The following GALNT10 variants were observed in gnomAD, a reference collection of about 807,000 sequenced individuals.
The protein encoded by GALNT10 is polypeptide N-acetylgalactosaminyltransferase 10, also known as GalNAc transferase 10.
In GALNT10, 41 loss-of-function variants were observed where a neutral mutation model predicts 75.0. That is an observed-to-expected ratio of 0.55 (90% CI 0.43 to 0.71). The LOEUF is 0.71. GALNT10 is among the 30% of genes least tolerant of loss of function. GALNT10 has a pLI of 0.00. For missense variants in GALNT10, 727 were observed against 818.5 expected (o/e 0.89, Z 1.36); for synonymous variants, 302 against 313.0 (o/e 0.96, Z 0.37).
chr5:154,376,519 G>A lies in GALNT10; in HGVS notation c.754+57G>A. 2.3e-6 allele frequency: 3 copies of A among 1,286,100 alleles called. No homozygotes were observed. Among genetic ancestry groups the A allele is most frequent in the Non-Finnish European group, 3.2e-6 (3 of 930,940 alleles). 79.7% of individuals were successfully genotyped at this position (1,286,100 alleles called of 1,614,324 possible). On this transcript the variant is annotated intron_variant, in intron 5 of 11. Transcript: ENST00000297107. The surrounding 1 kb of genome is among the most constrained non-coding windows in gnomAD (Gnocchi z 4.1). ...AAACTGCAATGAGCCAGTGCCAGTGGCCCCCTCCTGCTGCAGGGAGCCATC... is the reference window on the plus strand; with the variant it reads ...AAACTGCAATGAGCCAGTGCCAGTGACCCCCTCCTGCTGCAGGGAGCCATC...
At chr5:154,245,497 C>G (rs1416832542) in intron 1 of GALNT10, among the ~76,000 whole-genome samples, 2 of 151,480 alleles carry the variant, frequency 1.3e-5, no homozygotes, top group African/African-American at 2.4e-5. Context: ...GTCCTCAGGT[C>G]ACAGTGAATG....
rs146429473 is a variant in GALNT10 at position 154,217,411 on chromosome 5, G to A, written c.159+26386G>A. ...CTGCCTTACAGGGTTTGTTGTGAGG[G>A]GCAAGGGAGACAGTGAGAGGGTGGT... is the stretch of plus-strand genomic sequence containing the variant. On this transcript the variant is annotated intron_variant, in intron 1 of 11. Coordinates refer to ENST00000297107, the MANE Select transcript of GALNT10 (RefSeq NM_198321.4). 1.4e-3 allele frequency among the ~76,000 whole-genome samples: 219 copies of A among 152,222 alleles called. 1 individual carries two copies. Among genetic ancestry groups the A allele is most frequent in the African/African-American group, 5.2e-3 (217 of 41,542 alleles).
At chr5:154,325,676 G>A (rs1489619478) in intron 3 of GALNT10, among the ~76,000 whole-genome samples, 4 of 149,022 alleles carry the variant, frequency 2.7e-5, no homozygotes, top group African/African-American at 4.9e-5. Flanking sequence ...CTTCTTTTTC[G>A]AGGATTAAAA....
At chr5:154,216,935 C>T (rs1305749964) in intron 1 of GALNT10, among the ~76,000 whole-genome samples, 1 of 152,114 alleles carries the variant, frequency 6.6e-6, no homozygotes, top group Non-Finnish European at 1.5e-5. Context: ...AAAATCTCCT[C>T]TCCTATCCTC....
chr5:154,218,804 C>T (rs1752922780), intron 1 of GALNT10, among the ~76,000 whole-genome samples: 2 of 152,124 alleles, frequency 1.3e-5, no homozygotes, highest in African/African-American at 2.4e-5. Flanking sequence ...GTAATCATAC[C>T]TGTGGGACCT....
At chr5:154,241,833 A>G (rs927202196) in intron 1 of GALNT10, among the ~76,000 whole-genome samples, 5 of 152,234 alleles carry the variant, frequency 3.3e-5, no homozygotes, top group Admixed American at 3.3e-4. Context: ...TTGTTTGTCC[A>G]GTTATTTCCT....
intron 4 of GALNT10, among the ~76,000 whole-genome samples, chr5:154,334,471 A>G (rs1754912510): frequency 6.6e-6 from 1 of 152,252 alleles, no homozygotes; most frequent in Non-Finnish European, 1.5e-5. Context: ...CCCGGGTTGC[A>G]CTGCCTGGGT....
chr5:154,390,249 A>G (rs890281937), intron 7 of GALNT10, among the ~76,000 whole-genome samples: 4 of 151,940 alleles, frequency 2.6e-5, no homozygotes, highest in African/African-American at 9.7e-5. Flanking sequence ...AAGGCAAAAC[A>G]GGATAGAACG....
Position 154,344,041 on chromosome 5 carries a change from A to AATTCAT in GALNT10, c.568+14313_568+14318dup, listed in dbSNP as rs1168195399. On this transcript the variant is annotated intron_variant, in intron 4 of 11. Coordinates refer to ENST00000297107, the MANE Select transcript of GALNT10 (RefSeq NM_198321.4). ...CTGTGTCATGATTAACTGGATAGCT[A>AATTCAT]ATTCATATTCATATTACATTAGAAT... 4.6e-5 allele frequency among the ~76,000 whole-genome samples: 7 copies of AATTCAT among 152,184 alleles called. No homozygotes were observed. In the East Asian group the frequency reaches 1.4e-3, roughly 29 times the overall value.
At chr5:154,198,342 G>C (rs1200181769) in intron 1 of GALNT10, among the ~76,000 whole-genome samples, 1 of 152,192 alleles carries the variant, frequency 6.6e-6, no homozygotes, top group Non-Finnish European at 1.5e-5. Flanking sequence ...CACAATGCTT[G>C]GTACAGAACA....
chr5:154,371,743 C>G (rs927413439), intron 4 of GALNT10, among the ~76,000 whole-genome samples: 2 of 152,126 alleles, frequency 1.3e-5, no homozygotes, highest in Admixed American at 1.3e-4. Flanking sequence ...TGTTACCTGC[C>G]TGCCCCATTC....
intron 1 of GALNT10, among the ~76,000 whole-genome samples, chr5:154,215,713 G>A (rs1752855559): frequency 1.3e-5 from 2 of 152,330 alleles, no homozygotes; most frequent in South Asian, 4.1e-4. Context: ...AGCATGCATT[G>A]TGAAGATCTG....
At chr5:154,204,124 T>G (rs1775070451) in intron 1 of GALNT10, among the ~76,000 whole-genome samples, 1 of 152,190 alleles carries the variant, frequency 6.6e-6, no homozygotes, top group African/African-American at 2.4e-5. Context: ...AGGAGCCACC[T>G]TGAGTTGCTT....
At chr5:154,331,164 C>T (rs1226274887) in intron 4 of GALNT10, among the ~76,000 whole-genome samples, 4 of 152,122 alleles carry the variant, frequency 2.6e-5, no homozygotes, top group African/African-American at 9.7e-5. Flanking sequence ...TGGTCCTGTT[C>T]ACCACTGATC....
intron 10 of GALNT10, 139 bp from the exon 11 acceptor site, chr5:154,415,644 T>C: frequency 2.4e-6 from 2 of 848,688 alleles, no homozygotes; most frequent in East Asian, 5.0e-5. Context: ...TAGTAACTTT[T>C]AAAGCTAGGT....
intron 7 of GALNT10, among the ~76,000 whole-genome samples, chr5:154,397,439 T>C (rs1756042747): frequency 6.6e-6 from 1 of 152,196 alleles, no homozygotes; most frequent in Non-Finnish European, 1.5e-5. Context: ...TCTGAGCTTC[T>C]ACATTACCTC....
Position 154,354,849 on chromosome 5 carries a change from C to G in GALNT10, c.569-21428C>G, listed in dbSNP as rs145763919. On this transcript the variant is annotated intron_variant, in intron 4 of 11. Transcript: ENST00000297107. ...GCTCTTATAGCCCCAGGCATGGAAA[C>G]TGTACGTGACCCTGGGTATATCCGT... 1.8e-3 allele frequency among the ~76,000 whole-genome samples: 280 copies of G among 152,304 alleles called. 1 individual carries two copies. The highest frequency in any genetic ancestry group is 0.01 in the Middle Eastern group (3 of 294).
chr5:154,376,138 C>G lies in GALNT10; in HGVS notation c.569-139C>G. Reference sequence around the variant, plus strand: ...TGATGAGAACACTGCCCTTCTTCTCCCTGTCTGAAAGGTCTAGTGAGGCAG... The same window carrying G: ...TGATGAGAACACTGCCCTTCTTCTCGCTGTCTGAAAGGTCTAGTGAGGCAG... On this transcript the variant is annotated intron_variant, in intron 4 of 11. Coordinates refer to ENST00000297107, the MANE Select transcript of GALNT10 (RefSeq NM_198321.4). The surrounding 1 kb of genome is among the most constrained non-coding windows in gnomAD (Gnocchi z 4.1). 1 of 672,096 alleles carries G rather than the reference C, an allele frequency of 1.5e-6. No individual in the cohort carries two copies. The highest frequency in any genetic ancestry group is 2.6e-6 in the Non-Finnish European group (1 of 377,860). 41.6% of individuals were successfully genotyped at this position (672,096 alleles called of 1,614,324 possible). A position where few individuals can be genotyped will look rare whatever the true frequency, so the allele number is the denominator to read the frequency against.
intron 1 of GALNT10, among the ~76,000 whole-genome samples, chr5:154,265,559 G>T (rs1282010439): frequency 2.6e-5 from 4 of 152,132 alleles, no homozygotes; most frequent in Non-Finnish European, 5.9e-5. Context: ...ATCTTTAATG[G>T]CTCCAAGTTT....
Sources: allele counts gnomAD v4.1 joint callset (sites outside exome capture counted in the v4.1 genomes callset), GRCh38; gene constraint gnomAD v4.1.1; non-coding constraint Gnocchi (gnomAD v3.1); transcripts MANE v1.5; gene names NCBI Gene and HGNC (gene_info 2026-07-23, HGNC 2026-07-21).